The following ANKHD1 variants were observed in gnomAD, a reference collection of about 807,000 sequenced individuals.
ANKHD1 encodes the protein ankyrin repeat and KH domain-containing protein 1.
Under a neutral mutation model 230.5 loss-of-function variants are expected in ANKHD1, and 31 were observed. The observed-to-expected ratio is 0.13, with a 90% CI of 0.10 to 0.18. The LOEUF (loss-of-function observed/expected upper bound fraction) is 0.18. Among genes scored for constraint, ANKHD1 ranks in the 10% least tolerant of loss-of-function variants. The pLI is 1.00. For missense variants in ANKHD1, 2,256 were observed against 3,071.3 expected (o/e 0.73, Z 6.27); for synonymous variants, 1,074 against 1,117.6 (o/e 0.96, Z 0.78).
intron 5 of ANKHD1, among the ~76,000 whole-genome samples, chr5:140,444,090 C>CCT (rs1491331964): frequency 9.6e-5 from 6 of 62,578 alleles, no homozygotes; most frequent in African/African-American, 2.3e-4. Context: ...CCCCCCCCCC[C>CCT]TTTTTTTTTT....
chr5:140,436,732 C>T (rs981396682), intron 2 of ANKHD1, among the ~76,000 whole-genome samples: 2 of 145,060 alleles, frequency 1.4e-5, no homozygotes, highest in Non-Finnish European at 3.0e-5. Context: ...GGCAACAGAG[C>T]GAGACTCCGT....
At chr5:140,438,724 C>A in intron 3 of ANKHD1, 107 bp downstream of exon 3, 1 of 1,391,098 alleles carries the variant, frequency 7.2e-7, no homozygotes. Context: ...TAAACTTTAG[C>A]TGAAAGGATA....
In ANKHD1 at chr5:140,472,712, CA is replaced by C. The variant is rs576544481; in HGVS notation, c.1782+7943del. Among the ~76,000 whole-genome samples the C allele has an allele frequency of 1.5e-4, 23 of 152,016 alleles. No individual in the cohort carries two copies. In the East Asian group the frequency reaches 3.9e-3, roughly 25 times the overall value. On this transcript the variant is annotated intron_variant, in intron 10 of 33. Transcript: ENST00000360839. ...GTTTTAAAAATAATACTCAAATAAACAAAAAAATTAGTTTAGCAAAACGTTT... is the reference window on the plus strand; with the variant it reads ...GTTTTAAAAATAATACTCAAATAAACAAAAAATTAGTTTAGCAAAACGTTT...
rs1407357503 is a variant in ANKHD1, at chr5:140,406,110, C to T, written c.306+3837C>T. 3.3e-5 allele frequency among the ~76,000 whole-genome samples: 5 copies of T among 151,798 alleles called. No homozygotes were observed. The East Asian group carries it at 9.8e-4, about 30-fold the overall frequency. ...AAAATTAGCCGGGCTTGGTGGAGGG[C>T]GCCTGTAATCTGAGTTACTCAGGAG... is the stretch of plus-strand genomic sequence containing the variant. On this transcript the variant is annotated intron_variant, in intron 1 of 33. Coordinates refer to ENST00000360839, the MANE Select transcript of ANKHD1 (RefSeq NM_017747.3).
rs545740986 is a variant in ANKHD1, at chr5:140,509,888, T to C, written c.3941+76T>C. ...TCAGAGCTTTTAAAGTTAATAACAT[T>C]GTTTTACTTTATTGATATTGTTAAG... On this transcript the variant is annotated intron_variant, in intron 21 of 33. Coordinates refer to ENST00000360839, the MANE Select transcript of ANKHD1 (RefSeq NM_017747.3). 4.1e-5 allele frequency: 64 copies of C among 1,551,596 alleles called. No homozygotes were observed. In the East Asian group the frequency reaches 1.3e-3, roughly 32 times the overall value.
intron 10 of ANKHD1, among the ~76,000 whole-genome samples, chr5:140,467,085 A>G (rs1776148607): frequency 6.6e-6 from 1 of 152,170 alleles, no homozygotes; most frequent in African/African-American, 2.4e-5. Flanking sequence ...TATATAATAC[A>G]GTTGTTTTCT....
Position 140,500,273 on chromosome 5 carries a change from T to A in ANKHD1, c.3004+2995T>A, listed in dbSNP as rs547799214. Among the ~76,000 whole-genome samples the A allele has an allele frequency of 4.6e-4, 70 of 152,334 alleles. 1 individual carries two copies. The highest frequency in any genetic ancestry group is 6.8e-3 in the Middle Eastern group (2 of 294). Reference sequence around the variant, plus strand: ...ACCATGCACCAACTTCTATGATAAATGCTAAATATACTTTATTTCATGGGC... The same window carrying A: ...ACCATGCACCAACTTCTATGATAAAAGCTAAATATACTTTATTTCATGGGC... On this transcript the variant is annotated intron_variant, in intron 15 of 33. Transcript: ENST00000360839.
intron 8 of ANKHD1, 25 bp downstream of exon 8, chr5:140,458,887 A>C: frequency 6.4e-7 from 1 of 1,569,590 alleles, no homozygotes; most frequent in Non-Finnish European, 8.7e-7. Context: ...CTTCTTTTAG[A>C]AAAATCAGTT....
chr5:140,496,855 A>G lies in ANKHD1; in HGVS notation c.2581A>G (p.Lys861Glu). Reference protein sequence around the residue: ...QQFTKEYLETKGQKDTVSLHQ... With the variant: ...QQFTKEYLETEGQKDTVSLHQ... ...ATTTACCAAAGAATACTTGGAAACCAAAGGTCAGAAAGACACAGTGTCTCT... is the reference window on the plus strand; with the variant it reads ...ATTTACCAAAGAATACTTGGAAACCGAAGGTCAGAAAGACACAGTGTCTCT... The change falls in exon 15 of 34, where the codon AAA (lysine) becomes GAA (glutamate). Residue 861 changes from lysine to glutamate, a missense_variant. This residue lies in a region of ANKHD1 where 358 missense variants were observed against 397.7 expected (regional missense o/e 0.90). Coordinates refer to ENST00000360839, the MANE Select transcript of ANKHD1 (RefSeq NM_017747.3). 6.2e-7 allele frequency: 1 copy of G among 1,614,140 alleles called. No individual in the cohort carries two copies. The highest frequency in any genetic ancestry group is 1.3e-5 in the African/African-American group (1 of 75,052).
At chr5:140,419,991 C>T (rs1451039557) in intron 1 of ANKHD1, among the ~76,000 whole-genome samples, 2 of 57,782 alleles carry the variant, frequency 3.5e-5, no homozygotes, top group Non-Finnish European at 6.5e-5. Context: ...CTCCCCTCCG[C>T]TCCTCCTCCC....
intron 15 of ANKHD1, among the ~76,000 whole-genome samples, chr5:140,502,506 T>G (rs1752350065): frequency 6.6e-6 from 1 of 152,190 alleles, no homozygotes; most frequent in Non-Finnish European, 1.5e-5. Flanking sequence ...AAAAAAATTT[T>G]TATATACCTG....
chr5:140,413,049 A>C (rs1368926110), intron 1 of ANKHD1, among the ~76,000 whole-genome samples: 1 of 152,192 alleles, frequency 6.6e-6, no homozygotes, highest in African/African-American at 2.4e-5. Flanking sequence ...TGATTGATTC[A>C]TCTGTATTAG....
At chr5:140,518,002 A>G (rs1753119613) in intron 24 of ANKHD1, among the ~76,000 whole-genome samples, 1 of 152,240 alleles carries the variant, frequency 6.6e-6, no homozygotes, top group Non-Finnish European at 1.5e-5. Flanking sequence ...CGAATCCAGG[A>G]GCTGGTTTTT....
At chr5:140,494,087 C>T (rs1052646412) in intron 14 of ANKHD1, among the ~76,000 whole-genome samples, 1 of 152,120 alleles carries the variant, frequency 6.6e-6, no homozygotes, top group African/African-American at 2.4e-5. Context: ...CTTTGTAGAA[C>T]TTCTAAATGT....
chr5:140,487,826 T>C (rs936178989), intron 14 of ANKHD1, among the ~76,000 whole-genome samples: 1 of 152,242 alleles, frequency 6.6e-6, no homozygotes, highest in African/African-American at 2.4e-5. Flanking sequence ...TAGTGTATGA[T>C]AATCAAGTCC....
intron 7 of ANKHD1, among the ~76,000 whole-genome samples, chr5:140,451,548 A>G (rs1253049938): frequency 2.0e-5 from 3 of 152,288 alleles, no homozygotes; most frequent in South Asian, 2.1e-4. Context: ...GGTCTCTATC[A>G]TTCAGGCTGG....
chr5:140,436,400 A>C lies in ANKHD1; in HGVS notation c.460+143A>C, dbSNP rs984493988. 5.3e-6 allele frequency: 6 copies of C among 1,139,666 alleles called. No homozygotes were observed. In the East Asian group the frequency reaches 1.6e-4, roughly 30 times the overall value. The allele number at this position is 1,139,666 out of a possible 1,614,324, so 70.6% of individuals were successfully genotyped here. On this transcript the variant is annotated intron_variant, in intron 2 of 33. Coordinates refer to ENST00000360839, the MANE Select transcript of ANKHD1 (RefSeq NM_017747.3). ...TATTTTACTTTTTATCTCCCAAAGA[A>C]AATGTTCACATTTTGTATTTCTGGG...
chr5:140,532,281 A>G (rs970650746), intron 29 of ANKHD1, among the ~76,000 whole-genome samples: 2 of 152,210 alleles, frequency 1.3e-5, no homozygotes, highest in East Asian at 3.8e-4. Flanking sequence ...ACTAAATGAA[A>G]GAAGCCAGTC....
At chr5:140,499,965 T>G (rs1752210139) in intron 15 of ANKHD1, among the ~76,000 whole-genome samples, 1 of 151,254 alleles carries the variant, frequency 6.6e-6, no homozygotes, top group South Asian at 2.1e-4. Flanking sequence ...GCCTCCTGGG[T>G]TCAAGTGATT....
Sources: allele counts gnomAD v4.1 joint callset (sites outside exome capture counted in the v4.1 genomes callset), GRCh38; gene constraint gnomAD v4.1.1; regional missense constraint gnomAD v4.1.1; transcripts MANE v1.5; gene names NCBI Gene and HGNC (gene_info 2026-07-23, HGNC 2026-07-21).